ABCA13: variants seen among roughly 807,000 people sequenced by gnomAD.
The protein encoded by ABCA13 is ATP-binding cassette sub-family A member 13.
A neutral mutation model predicts 478.7 loss-of-function variants in ABCA13; 476 were observed. The observed-to-expected ratio is 0.99, with a 90% CI of 0.92 to 1.07. ABCA13 has a LOEUF of 1.07. ABCA13 is among the 50% of genes least tolerant of loss of function. ABCA13 has a pLI of 0.00. For missense variants in ABCA13, 6,060 were observed against 5,910.6 expected (o/e 1.03, Z -0.83); for synonymous variants, 2,252 against 2,158.9 (o/e 1.04, Z -1.20).
At chr7:48,547,470 A>C (rs183650565) in intron 55 of ABCA13, among the ~76,000 whole-genome samples, 1 of 152,092 alleles carries the variant, frequency 6.6e-6, no homozygotes, top group African/African-American at 2.4e-5. Context: ...TTTAGCCACA[A>C]GCATTGACTT....
chr7:48,589,998 G>A (rs113374429), intron 57 of ABCA13, among the ~76,000 whole-genome samples: 6 of 152,180 alleles, frequency 3.9e-5, no homozygotes, highest in African/African-American at 1.4e-4. Context: ...CCAAACTATA[G>A]CAGCCCTATA....
intron 16 of ABCA13, among the ~76,000 whole-genome samples, chr7:48,269,899 A>G (rs1277198308): frequency 6.6e-6 from 1 of 152,196 alleles, no homozygotes; most frequent in Non-Finnish European, 1.5e-5. Context: ...ATTAGTAGGA[A>G]CAGAAGAAAG....
chr7:48,271,738 C>A, intron 16 of ABCA13, 49 bp from the exon 17 acceptor site: 2 of 1,135,180 alleles, frequency 1.8e-6, no homozygotes, highest in South Asian at 3.8e-5. Flanking sequence ...TTTGATAAAT[C>A]AAATTTATTT....
intron 26 of ABCA13, 60 bp downstream of exon 26, chr7:48,314,469 C>T: frequency 7.9e-6 from 11 of 1,397,350 alleles, no homozygotes; most frequent in Non-Finnish European, 1.1e-5. Context: ...GATAATTGGC[C>T]TTAAATTATA....
chr7:48,413,814 A>C (rs1819589562), intron 41 of ABCA13, among the ~76,000 whole-genome samples: 1 of 152,208 alleles, frequency 6.6e-6, no homozygotes, highest in Non-Finnish European at 1.5e-5. Context: ...TATACATAGA[A>C]TGTATTTGGT....
chr7:48,337,333 A>T (rs73697139), intron 28 of ABCA13, among the ~76,000 whole-genome samples: 1 of 152,362 alleles, frequency 6.6e-6, no homozygotes, highest in South Asian at 2.1e-4. Flanking sequence ...GACATGATGC[A>T]TAATAACTAC....
intron 23 of ABCA13, 51 bp downstream of exon 23, chr7:48,298,538 C>A: frequency 6.3e-7 from 1 of 1,584,480 alleles, no homozygotes; most frequent in Non-Finnish European, 8.6e-7. Flanking sequence ...GGAGCCTTAG[C>A]CTGAAGTCAC....
intron 3 of ABCA13, among the ~76,000 whole-genome samples, chr7:48,200,542 A>G (rs1366854171): frequency 6.6e-6 from 1 of 152,234 alleles, no homozygotes; most frequent in Non-Finnish European, 1.5e-5. Context: ...TTAATAGCTC[A>G]CCAGCATTGC....
At chr7:48,416,569 G>A (rs562705359) in intron 41 of ABCA13, among the ~76,000 whole-genome samples, 78 of 152,246 alleles carry the variant, frequency 5.1e-4, no homozygotes, top group African/African-American at 1.6e-3. Context: ...CTAGTGCAGC[G>A]CGTGACACAC....
At chr7:48,354,931 A>G (rs947566316) in intron 31 of ABCA13, among the ~76,000 whole-genome samples, 1 of 152,042 alleles carries the variant, frequency 6.6e-6, no homozygotes, top group Non-Finnish European at 1.5e-5. Flanking sequence ...TGCTTACTGA[A>G]TGAGCTACAT....
intron 17 of ABCA13, 143 bp from the exon 18 acceptor site, chr7:48,277,951 C>T (rs906131503): frequency 4.0e-6 from 1 of 248,298 alleles, no homozygotes; most frequent in African/African-American, 2.3e-5. Context: ...ATTATTTTAG[C>T]ATGTCATCTT....
intron 33 of ABCA13, among the ~76,000 whole-genome samples, chr7:48,374,116 A>G (rs1813082536): frequency 6.6e-6 from 1 of 152,232 alleles, no homozygotes; most frequent in Non-Finnish European, 1.5e-5. Flanking sequence ...GTAAAGAGAA[A>G]TAATTCCTTT....
rs536429868 is a variant in ABCA13, at chr7:48,360,777, G to A, written c.10689-7017G>A. ...ACATACTCATTTGGGAACTATTTAC[G>A]CAGTACTTATTATGTGTCATGCACT... On this transcript the variant is annotated intron_variant, in intron 31 of 61. Coordinates refer to ENST00000435803, the MANE Select transcript of ABCA13 (RefSeq NM_152701.5). 7.9e-5 allele frequency among the ~76,000 whole-genome samples: 12 copies of A among 151,992 alleles called. No homozygotes were observed. In the South Asian group the frequency reaches 2.5e-3, roughly 32 times the overall value.
intron 59 of ABCA13, among the ~76,000 whole-genome samples, chr7:48,629,575 C>A (rs972982249): frequency 8.7e-3 from 579 of 66,346 alleles, no homozygotes; most frequent in South Asian, 0.01. Context: ...TACATTTTGG[C>A]AAAAAAAAAA....
At chr7:48,619,106 A>C (rs1480494313) in intron 59 of ABCA13, among the ~76,000 whole-genome samples, 1 of 152,222 alleles carries the variant, frequency 6.6e-6, no homozygotes, top group East Asian at 1.9e-4. Context: ...GGCTGTGCCA[A>C]GGGTTCTGAA....
At chr7:48,228,344 G>A (rs960212014) in intron 6 of ABCA13, among the ~76,000 whole-genome samples, 1 of 152,160 alleles carries the variant, frequency 6.6e-6, no homozygotes, top group Non-Finnish European at 1.5e-5. Context: ...TCTCACCCTG[G>A]AGTTCCCTAA....
In ABCA13 at chr7:48,264,603, C is replaced by A. The variant is rs1794634552; in HGVS notation, c.2006-4377C>A. On this transcript the variant is annotated intron_variant, in intron 15 of 61. Transcript: ENST00000435803. Reference sequence around the variant, plus strand: ...TTGTTCATAAATTGTATATTCAAATCTTTCCCACTTTTTAAATTGGGTTAT... The same window carrying A: ...TTGTTCATAAATTGTATATTCAAATATTTCCCACTTTTTAAATTGGGTTAT... Among the ~76,000 whole-genome samples the A allele has an allele frequency of 2.0e-5, 3 of 151,728 alleles. No individual in the cohort carries two copies. The South Asian group carries it at 6.2e-4, about 31-fold the overall frequency.
chr7:48,274,099 T>A lies in ABCA13; in HGVS notation c.4433T>A (p.Phe1478Tyr). ...DFLNIVLTTV[F>Y]EKEKKPKFEI... is the part of the protein sequence containing the mutation. ...CTAAATATTGTACTTACTACAGTCTTTGAAAAAGAGAAGAAACCTAAATTT... is the reference window on the plus strand; with the variant it reads ...CTAAATATTGTACTTACTACAGTCTATGAAAAAGAGAAGAAACCTAAATTT... Residue 1478 changes from phenylalanine (F) to tyrosine (Y), a missense_variant, in exon 17 of 62, where the codon TTT (phenylalanine) becomes TAT (tyrosine). Coordinates refer to ENST00000435803, the MANE Select transcript of ABCA13 (RefSeq NM_152701.5). The A allele has an allele frequency of 1.2e-6, 2 of 1,606,870 alleles. No individual in the cohort carries two copies. Among genetic ancestry groups the A allele is most frequent in the Non-Finnish European group, 1.7e-6 (2 of 1,176,388 alleles).
At chr7:48,379,392 C>T (rs1813993268) in intron 35 of ABCA13, among the ~76,000 whole-genome samples, 1 of 152,068 alleles carries the variant, frequency 6.6e-6, no homozygotes, top group Non-Finnish European at 1.5e-5. Context: ...TTTTATATTA[C>T]CTCCTTTACT....
Sources: allele counts gnomAD v4.1 joint callset (sites outside exome capture counted in the v4.1 genomes callset), GRCh38; gene constraint gnomAD v4.1.1; transcripts MANE v1.5; gene names NCBI Gene and HGNC (gene_info 2026-07-23, HGNC 2026-07-21).